The following PEAK1 variants were observed in gnomAD, a reference collection of about 807,000 sequenced individuals.
PEAK1 encodes the protein inactive tyrosine-protein kinase PEAK1.
A neutral mutation model predicts 124.7 loss-of-function variants in PEAK1; 54 were observed. The ratio of observed to expected loss-of-function variants is 0.43; its 90% CI spans 0.35 to 0.54. The LOEUF is 0.54. Among genes scored for constraint, PEAK1 ranks in the 20% least tolerant of loss-of-function variants. PEAK1 has a pLI of 0.01. For synonymous variants in PEAK1, 719 were observed against 760.0 expected, an observed-to-expected ratio of 0.95 and a Z score of 0.89; for missense variants, 2,046 against 2,134.5, an observed-to-expected ratio of 0.96 and a Z score of 0.82.
intron 5 of PEAK1, among the ~76,000 whole-genome samples, chr15:77,253,219 G>A (rs2060960100): frequency 7.3e-6 from 1 of 137,666 alleles, no homozygotes; most frequent in Admixed American, 7.6e-5. Context: ...TAAAGAACCT[G>A]AGCATCTGTG....
intron 1 of PEAK1, among the ~76,000 whole-genome samples, chr15:77,370,180 GA>G (rs904006308): frequency 1.3e-5 from 2 of 152,066 alleles, no homozygotes; most frequent in Non-Finnish European, 2.9e-5. Flanking sequence ...TTGTCCTATG[GA>G]CCTTGGTCTA....
chr15:77,389,576 G>C (rs1200614561), intron 1 of PEAK1, among the ~76,000 whole-genome samples: 4 of 152,150 alleles, frequency 2.6e-5, no homozygotes, highest in Admixed American at 1.3e-4. Flanking sequence ...AATTATCTTA[G>C]AGGCCATTTC....
intron 7 of PEAK1, 82 bp downstream of exon 7, chr15:77,178,708 T>C (rs908875757): frequency 1.0e-5 from 14 of 1,343,186 alleles, no homozygotes; most frequent in Non-Finnish European, 1.4e-5. Flanking sequence ...ATGGTTCTTA[T>C]GCAATCTTAA....
chr15:77,286,515 A>T lies in PEAK1; in HGVS notation c.-602-11T>A, dbSNP rs981421118. ...TCAAGTATTCTTTTCCTATTAGAAG[A>T]TGCAAAGTGGGGAAGATATATTAAT... is the stretch of plus-strand genomic sequence containing the variant. On this transcript the variant is annotated splice_polypyrimidine_tract_variant and intron_variant, in intron 2 of 9. Coordinates refer to ENST00000682557, the MANE Select transcript of PEAK1 (RefSeq NM_001385026.1). 2 of 1,206,568 alleles carry T rather than the reference A, an allele frequency of 1.7e-6. No individual in the cohort carries two copies. The highest frequency in any genetic ancestry group is 4.2e-5 in the Admixed American group (1 of 23,656). The allele number at this position is 1,206,568 out of a possible 1,614,324, so 74.7% of individuals were successfully genotyped here.
rs2152705529 is a variant in PEAK1 at position 77,111,255 on chromosome 15, G to A, written c.*2901C>T. ...TAGATATATAAATGTGTGTGTATGT[G>A]TCTACAGAGGGTAGGATTTCTTTCC... On this transcript the variant is annotated 3_prime_UTR_variant, in exon 10 of 10. Transcript: ENST00000682557. The A allele has an allele frequency of 6.6e-6, 1 of 152,282 alleles. No homozygotes were observed. Among genetic ancestry groups the A allele is most frequent in the Middle Eastern group, 3.4e-3 (1 of 294 alleles). 9.4% of individuals were successfully genotyped at this position (152,282 alleles called of 1,614,324 possible).
chr15:77,170,976 G>A (rs927039339), intron 7 of PEAK1, among the ~76,000 whole-genome samples: 1 of 152,132 alleles, frequency 6.6e-6, no homozygotes, highest in African/African-American at 2.4e-5. Context: ...CACCAAATTA[G>A]TTTCTCTGAA....
At chr15:77,169,760 G>A (rs1049486058) in intron 7 of PEAK1, among the ~76,000 whole-genome samples, 5 of 152,132 alleles carry the variant, frequency 3.3e-5, no homozygotes, top group Non-Finnish European at 4.4e-5. Context: ...ATATTTTGGA[G>A]GTTGAATCAT....
At position 77,181,498 on chromosome 15, in the gene PEAK1, T is replaced by C. The variant is rs1455660404; in HGVS notation, c.429A>G (p.Ser143=). The C allele has an allele frequency of 3.1e-6, 5 of 1,614,146 alleles. No homozygotes were observed. The highest frequency in any genetic ancestry group is 4.2e-6 in the Non-Finnish European group (5 of 1,180,024). ...YGNNDSAKKM[S]DNNNGLTEVL... ...CTTCAGTTAGTCCATTATTGTTATC[T>C]GACATCTTCTTTGCACTATCATTAT... Residue 143 remains serine (S), a synonymous_variant, in exon 7 of 10, where the codon TCA becomes TCG. Coordinates refer to ENST00000682557, the MANE Select transcript of PEAK1 (RefSeq NM_001385026.1).
chr15:77,135,981 CT>C (rs1478957060), intron 8 of PEAK1, among the ~76,000 whole-genome samples: 4 of 152,114 alleles, frequency 2.6e-5, no homozygotes, highest in African/African-American at 9.7e-5. Flanking sequence ...GTGGAAGCAA[CT>C]TTGGAACTAG....
intron 2 of PEAK1, among the ~76,000 whole-genome samples, chr15:77,345,113 C>T (rs1408177259): frequency 3.9e-5 from 6 of 152,086 alleles, no homozygotes; most frequent in Non-Finnish European, 8.8e-5. Context: ...TTGCCTTGTC[C>T]CTGGATCTTA....
intron 9 of PEAK1, among the ~76,000 whole-genome samples, chr15:77,131,693 A>T (rs560070386): frequency 6.6e-6 from 1 of 152,372 alleles, no homozygotes; most frequent in South Asian, 2.1e-4. Flanking sequence ...AATAAACATT[A>T]GTTATCCTCC....
chr15:77,169,093 T>C (rs2056327349), intron 7 of PEAK1, among the ~76,000 whole-genome samples: 1 of 152,186 alleles, frequency 6.6e-6, no homozygotes, highest in Non-Finnish European at 1.5e-5. Flanking sequence ...TAAATTTTAG[T>C]TCATATTTTA....
At chr15:77,253,597 T>C (rs774476154) in intron 5 of PEAK1, among the ~76,000 whole-genome samples, 2 of 152,094 alleles carry the variant, frequency 1.3e-5, no homozygotes, top group East Asian at 3.8e-4. Context: ...AAATGTGAAA[T>C]TGTCTTACTT....
chr15:77,312,937 A>C (rs1269713309), intron 2 of PEAK1, among the ~76,000 whole-genome samples: 1 of 152,220 alleles, frequency 6.6e-6, no homozygotes, highest in Non-Finnish European at 1.5e-5. Flanking sequence ...AATACATTTA[A>C]CATGGTAGAA....
intron 8 of PEAK1, among the ~76,000 whole-genome samples, chr15:77,139,857 G>A (rs912367938): frequency 6.6e-5 from 10 of 151,610 alleles, no homozygotes; most frequent in African/African-American, 2.4e-4. Context: ...ATATTTAGAG[G>A]GAGGGAGGGG....
intron 1 of PEAK1, chr15:77,417,223 T>A (rs1287458146): frequency 6.4e-6 from 3 of 469,408 alleles, no homozygotes; most frequent in Non-Finnish European, 8.4e-6. Flanking sequence ...GTAAACTCCT[T>A]GCAAAAAGGA....
Position 77,112,303 on chromosome 15 carries a change from T to C in PEAK1, c.*1853A>G, listed in dbSNP as rs973520678. On this transcript the variant is annotated 3_prime_UTR_variant, in exon 10 of 10. Coordinates refer to ENST00000682557, the MANE Select transcript of PEAK1 (RefSeq NM_001385026.1). ...TTTCCTTTCCTGATCCTCTTTGTTA[T>C]ACATGAATCACATGAAAAGCTGTTA... is the stretch of plus-strand genomic sequence containing the variant. 28 of 152,266 alleles carry C rather than the reference T, an allele frequency of 1.8e-4. No individual in the cohort carries two copies. The highest frequency in any genetic ancestry group is 1.7e-3 in the Admixed American group (26 of 15,294). 9.4% of individuals were successfully genotyped at this position (152,266 alleles called of 1,614,324 possible).
intron 6 of PEAK1, among the ~76,000 whole-genome samples, 185 bp downstream of exon 6, chr15:77,252,182 A>C (rs2152926252): frequency 6.6e-6 from 1 of 152,362 alleles, no homozygotes; most frequent in South Asian, 2.1e-4. Context: ...GTTTATAACT[A>C]GGGGAAAAAA....
chr15:77,114,971 G>A lies in PEAK1; in HGVS notation c.4426C>T (p.Arg1476Ter), dbSNP rs372455751. Reference protein sequence around the residue: ...VPCLTVADFVRDSLAQHGKSP... With the variant: ...VPCLTVADFV ...TTCCCATGCTGGGCCAGAGAGTCTC[G>A]CACAAAATCAGCCACAGTAAGACAT... Residue 1476 changes from arginine to a stop codon, truncating the protein, a stop_gained, in exon 10 of 10, where the codon CGA becomes TGA. Coordinates refer to ENST00000682557, the MANE Select transcript of PEAK1 (RefSeq NM_001385026.1). LOFTEE classifies it high-confidence loss of function. The A allele has an allele frequency of 1.9e-6, 3 of 1,613,916 alleles. No individual in the cohort carries two copies. Among genetic ancestry groups the A allele is most frequent in the Non-Finnish European group, 2.5e-6 (3 of 1,180,016 alleles).
Sources: allele counts gnomAD v4.1 joint callset (sites outside exome capture counted in the v4.1 genomes callset), GRCh38; gene constraint gnomAD v4.1.1; transcripts MANE v1.5; gene names NCBI Gene and HGNC (gene_info 2026-07-23, HGNC 2026-07-21).